Variants in EFCAB7 observed in about 807,000 individuals in gnomAD.
EFCAB7 encodes the protein EF-hand calcium-binding domain-containing protein 7.
EFCAB7 carries 66 observed loss-of-function variants against 77.1 expected under a neutral mutation model. The observed-to-expected ratio is 0.86, with a 90% CI of 0.70 to 1.05. The LOEUF (loss-of-function observed/expected upper bound fraction) is 1.05, where lower values mean the gene tolerates loss of function less well. EFCAB7 is among the 50% of genes least tolerant of loss of function. The probability of loss-of-function intolerance (pLI) is 0.00; values close to 1 mark genes in which losing one functional copy is unlikely to be tolerated. For missense variants in EFCAB7, 638 were observed against 730.5 expected, an observed-to-expected ratio of 0.87 and a Z score of 1.46; for synonymous variants, 225 against 243.3, an observed-to-expected ratio of 0.92 and a Z score of 0.70.
intron 12 of EFCAB7, chr1:63,568,902 C>T (rs1018777350): frequency 3.9e-5 from 6 of 153,990 alleles, no homozygotes; most frequent in African/African-American, 1.2e-4. Flanking sequence ...TTCAACCCAG[C>T]GTTTTACACT....
intron 6 of EFCAB7, among the ~76,000 whole-genome samples, chr1:63,540,363 CAA>C (rs758025864): frequency 2.7e-4 from 12 of 44,322 alleles, no homozygotes; most frequent in African/African-American, 7.6e-4. Flanking sequence ...GACTCCATCT[CAA>C]AAAAAAAAAA....
intron 6 of EFCAB7, among the ~76,000 whole-genome samples, chr1:63,543,391 C>T (rs948387864): frequency 1.3e-5 from 2 of 152,056 alleles, no homozygotes; most frequent in Non-Finnish European, 1.5e-5. Flanking sequence ...TAGCTTTATT[C>T]GTTTTCAACA....
Position 63,523,587 on chromosome 1 carries a change from T to A in EFCAB7, c.-49T>A, listed in dbSNP as rs1470855159. 1 of 182,890 alleles carries A rather than the reference T, an allele frequency of 5.5e-6. No individual in the cohort carries two copies. The highest frequency in any genetic ancestry group is 1.2e-5 in the Non-Finnish European group (1 of 84,592). 11.3% of individuals were successfully genotyped at this position (182,890 alleles called of 1,614,324 possible). On this transcript the variant is annotated 5_prime_UTR_variant, in exon 1 of 14. Coordinates refer to ENST00000371088, the MANE Select transcript of EFCAB7 (RefSeq NM_032437.4). ...CAGCTGCGGTGAGAGGAACGCTGAA[T>A]CGCCGAAGAGAATTGGCTGCGCTTC... is the stretch of plus-strand genomic sequence containing the variant.
chr1:63,567,120 A>G (rs987713525), intron 11 of EFCAB7, among the ~76,000 whole-genome samples: 2 of 152,160 alleles, frequency 1.3e-5, no homozygotes, highest in Non-Finnish European at 2.9e-5. Flanking sequence ...CCCTTATGAA[A>G]TTTATATTTC....
chr1:63,549,424 C>G, intron 7 of EFCAB7: 1 of 466,798 alleles, frequency 2.1e-6, no homozygotes, highest in Non-Finnish European at 4.4e-6. Flanking sequence ...CATCTTAAGT[C>G]TGTTACTTGG....
chr1:63,575,638 T>C (rs906251169), downstream of EFCAB7, among the ~76,000 whole-genome samples: 2 of 152,160 alleles, frequency 1.3e-5, no homozygotes, highest in African/African-American at 4.8e-5. Context: ...CAGGCTGGAC[T>C]GCAGTGGTGC....
chr1:63,572,237 A>G (rs908564231), intron 13 of EFCAB7, among the ~76,000 whole-genome samples: 1 of 152,184 alleles, frequency 6.6e-6, no homozygotes, highest in African/African-American at 2.4e-5. Context: ...ACTGACAGCT[A>G]CTATGTTAGG....
At chr1:63,532,512 C>T (rs561921909) in intron 3 of EFCAB7, among the ~76,000 whole-genome samples, 158 bp from the exon 4 acceptor site, 50 of 151,770 alleles carry the variant, frequency 3.3e-4, no homozygotes, top group African/African-American at 1.1e-3. Flanking sequence ...TTTATATAGC[C>T]GCCTCATTCT....
downstream of EFCAB7, among the ~76,000 whole-genome samples, chr1:63,576,571 G>A (rs1647424778): frequency 1.3e-5 from 2 of 150,854 alleles, no homozygotes; most frequent in African/African-American, 4.9e-5. Context: ...TGTAATCCCA[G>A]CACTTTGGGA....
At chr1:63,565,827 CTAT>C (rs2100925214) in intron 11 of EFCAB7, among the ~76,000 whole-genome samples, 1 of 152,180 alleles carries the variant, frequency 6.6e-6, no homozygotes, top group South Asian at 2.1e-4. Context: ...GTCCAAATGG[CTAT>C]TATTAAAAAG....
chr1:63,555,310 GA>G, intron 8 of EFCAB7, 47 bp from the exon 9 acceptor site: 1 of 1,522,838 alleles, frequency 6.6e-7, no homozygotes, highest in East Asian at 2.3e-5. Context: ...ATTAAAAGAT[GA>G]AAAGATTAAG....
intron 12 of EFCAB7, chr1:63,569,219 A>G (rs1051594916): frequency 6.6e-6 from 1 of 152,298 alleles, no homozygotes; most frequent in Non-Finnish European, 1.5e-5. Context: ...TTCTTAAAAT[A>G]CTTAAGATGT....
At chr1:63,571,310 C>T (rs115676789) in intron 13 of EFCAB7, among the ~76,000 whole-genome samples, 182 bp downstream of exon 13, 163 of 152,248 alleles carry the variant, frequency 1.1e-3, no homozygotes, top group African/African-American at 3.7e-3. Context: ...AGTTCTGTCA[C>T]TGTTTGGTTG....
chr1:63,562,744 A>G (rs1190672273), intron 11 of EFCAB7, among the ~76,000 whole-genome samples: 1 of 150,486 alleles, frequency 6.6e-6, no homozygotes, highest in Non-Finnish European at 1.5e-5. Context: ...TTTATGTCAG[A>G]TTTAAAATAT....
intron 2 of EFCAB7, 92 bp from the exon 3 acceptor site, chr1:63,531,728 T>C: frequency 9.5e-7 from 1 of 1,054,812 alleles, no homozygotes; most frequent in Non-Finnish European, 1.4e-6. Flanking sequence ...GTTTTGTAAA[T>C]ATCATAATAC....
At chr1:63,557,053 AC>A in intron 9 of EFCAB7, 60 bp from the exon 10 acceptor site, 2 of 1,352,768 alleles carry the variant, frequency 1.5e-6, no homozygotes, top group African/African-American at 1.5e-5. Context: ...AAAAAAAAAA[AC>A]CCTTCTTCAG....
At position 63,525,639 on chromosome 1, in the gene EFCAB7, C is replaced by T. The variant is rs769084440; in HGVS notation, c.67C>T (p.Arg23Ter). ...SQKSTPSESP[R>*]TKKFPLTEEE... ...GAAATCAACACCTTCAGAGAGTCCT[C>T]GAACAAAGAAATTTCCACTAACTGA... The change falls in exon 2 of 14, where the codon CGA becomes TGA. Residue 23 changes from arginine (R) to a stop codon, truncating the protein, a stop_gained. Coordinates refer to ENST00000371088, the MANE Select transcript of EFCAB7 (RefSeq NM_032437.4). LOFTEE classifies it high-confidence loss of function. The T allele has an allele frequency of 4.4e-6, 7 of 1,602,698 alleles. No individual in the cohort carries two copies. The Admixed American group carries it at 5.4e-5, about 12-fold the overall frequency.
At chr1:63,573,634 G>T (rs184797808), downstream of EFCAB7, among the ~76,000 whole-genome samples, 1 of 152,158 alleles carries the variant, frequency 6.6e-6, no homozygotes, top group Non-Finnish European at 1.5e-5. Context: ...AGAGAACGGT[G>T]AATAGGAGTA....
At chr1:63,532,071 TA>T (rs1387066849) in intron 3 of EFCAB7, 40 bp downstream of exon 3, 1 of 1,488,300 alleles carries the variant, frequency 6.7e-7, no homozygotes, top group African/African-American at 1.4e-5. Context: ...GCATATTTTC[TA>T]AAACAGCTTG....
Sources: allele counts gnomAD v4.1 joint callset (sites outside exome capture counted in the v4.1 genomes callset), GRCh38; gene constraint gnomAD v4.1.1; transcripts MANE v1.5; gene names NCBI Gene and HGNC (gene_info 2026-07-23, HGNC 2026-07-21).